The following CD163L1 variants were observed in gnomAD, a reference collection of about 807,000 sequenced individuals.
CD163L1 encodes the protein CD163 molecule like 1, also known as scavenger receptor cysteine-rich type 1 protein M160.
Under a neutral mutation model 165.4 loss-of-function variants are expected in CD163L1, and 124 were observed. The ratio of observed to expected loss-of-function variants is 0.75; its 90% CI spans 0.65 to 0.87. The LOEUF is 0.87. Ranked by LOEUF, CD163L1 falls within the 40% of genes least tolerant of loss-of-function variation. The probability of loss-of-function intolerance (pLI) is 0.00; values close to 1 mark genes in which losing one functional copy is unlikely to be tolerated. For missense variants in CD163L1, 1,525 were observed against 1,799.9 expected, an observed-to-expected ratio of 0.85 and a Z score of 2.76; for synonymous variants, 585 against 662.2, an observed-to-expected ratio of 0.88 and a Z score of 1.79.
At chr12:7,433,717 C>A in intron 2 of CD163L1, 23 bp from the exon 3 acceptor site, 1 of 1,551,338 alleles carries the variant, frequency 6.4e-7, no homozygotes. Flanking sequence ...CAGAAACATA[C>A]ATTAGAGATG....
the CD163L1 span, among the ~76,000 whole-genome samples, chr12:7,326,597 A>T: frequency 6.6e-6 from 1 of 151,856 alleles, no homozygotes; most frequent in East Asian, 1.9e-4. Context: ...TTCTCTAGGA[A>T]CTCCATTTGT....
the CD163L1 span, chr12:7,320,917 G>A: frequency 1.1e-6 from 1 of 928,156 alleles, no homozygotes; most frequent in South Asian, 1.4e-5. Flanking sequence ...TACCACCACT[G>A]ACATTTTGAA....
chr12:7,363,395 A>C (rs1946946820), intron 18 of CD163L1, among the ~76,000 whole-genome samples: 1 of 151,746 alleles, frequency 6.6e-6, no homozygotes, highest in South Asian at 2.1e-4. Flanking sequence ...AACAAACCAA[A>C]CCCCAAATTA....
rs1225392989 is a variant in CD163L1 at position 7,400,628 on chromosome 12, C to T, written c.1409-2044G>A. ...TATCTCCTGGGCTCAAGTGATATTCCTGCCTCAGCCTCCTGAGTTGCTGGG... is the reference window on the plus strand; with the variant it reads ...TATCTCCTGGGCTCAAGTGATATTCTTGCCTCAGCCTCCTGAGTTGCTGGG... On this transcript the variant is annotated intron_variant, in intron 6 of 19. Coordinates refer to ENST00000313599, the MANE Select transcript of CD163L1 (RefSeq NM_174941.6). The surrounding 1 kb of genome is among the most constrained non-coding windows in gnomAD (Gnocchi z 4.1). 6.6e-6 allele frequency among the ~76,000 whole-genome samples: 1 copy of T among 152,160 alleles called. No individual in the cohort carries two copies. Among genetic ancestry groups the T allele is most frequent in the Non-Finnish European group, 1.5e-5 (1 of 68,016 alleles).
At chr12:7,358,802 C>G (rs1946830388) in intron 18 of CD163L1, among the ~76,000 whole-genome samples, 1 of 151,968 alleles carries the variant, frequency 6.6e-6, no homozygotes, top group South Asian at 2.1e-4. Context: ...CACACCAGAA[C>G]TTTAAAACAA....
intron 2 of CD163L1, among the ~76,000 whole-genome samples, chr12:7,437,568 G>C (rs1429798815): frequency 6.6e-6 from 1 of 151,310 alleles, no homozygotes; most frequent in Non-Finnish European, 1.5e-5. Context: ...TCCCACCTAC[G>C]AGTGAGAACA....
chr12:7,345,375 GA>G (rs1456932753), downstream of CD163L1, among the ~76,000 whole-genome samples: 2 of 152,158 alleles, frequency 1.3e-5, no homozygotes, highest in Non-Finnish European at 2.9e-5. Context: ...GGCATGAACA[GA>G]AAGCAGCCAA....
At chr12:7,394,237 C>T (rs1468772774) in intron 8 of CD163L1, among the ~76,000 whole-genome samples, 3 of 151,994 alleles carry the variant, frequency 2.0e-5, no homozygotes, top group Non-Finnish European at 4.4e-5. Context: ...GTACCGGTAC[C>T]AAAACAGATA....
Position 7,374,598 on chromosome 12 carries a change from C to T in CD163L1, c.3253G>A (p.Ala1085Thr), listed in dbSNP as rs1242468551. ...QKLGCGVAFN[A>T]TVSAHFGEGS... ...TCCCCAAAGTGAGCAGAGACCGTGGCATTGAAGGCCACTCCACAGCCCAGC... is the reference window on the plus strand; with the variant it reads ...TCCCCAAAGTGAGCAGAGACCGTGGTATTGAAGGCCACTCCACAGCCCAGC... The change falls in exon 13 of 20, where the codon GCC (alanine) becomes ACC (threonine). Residue 1085 changes from alanine (A) to threonine (T), a missense_variant. Coordinates refer to ENST00000313599, the MANE Select transcript of CD163L1 (RefSeq NM_174941.6). This position sits in a 1 kb window ranked among gnomAD's most constrained non-coding sequence, Gnocchi z 5.4. The T allele has an allele frequency of 2.5e-6, 4 of 1,614,074 alleles. No individual in the cohort carries two copies. Among genetic ancestry groups the T allele is most frequent in the Admixed American group, 1.7e-5 (1 of 60,010 alleles).
At chr12:7,421,316 G>T (rs1288027453) in intron 4 of CD163L1, among the ~76,000 whole-genome samples, 3 of 94,650 alleles carry the variant, frequency 3.2e-5, no homozygotes, top group East Asian at 3.3e-4. Flanking sequence ...TATACATTTG[G>T]AAGATATATA....
At chr12:7,378,299 C>G (rs1201512823) in intron 9 of CD163L1, among the ~76,000 whole-genome samples, 1 of 152,062 alleles carries the variant, frequency 6.6e-6, no homozygotes, top group Non-Finnish European at 1.5e-5. Context: ...CAGCATGACT[C>G]CCGGCATCCA....
At chr12:7,337,754 T>A in the CD163L1 span, among the ~76,000 whole-genome samples, 1 of 152,182 alleles carries the variant, frequency 6.6e-6, no homozygotes, top group Non-Finnish European at 1.5e-5. Context: ...TAGAAGACAG[T>A]GTGGCGATTC....
chr12:7,424,469 G>GAAAGAA (rs1948503771), intron 4 of CD163L1, among the ~76,000 whole-genome samples: 3 of 152,112 alleles, frequency 2.0e-5, no homozygotes, highest in African/African-American at 7.2e-5. Context: ...TCAACATAGT[G>GAAAGAA]TTGGAAGTTC....
Position 7,396,461 on chromosome 12 carries a change from T to C in CD163L1, c.1730-46A>G. The stretch of plus-strand genomic sequence containing the variant: ...CAAGTAGTTAATGGGTGTGATGGTT[T>C]ATTTTATATGTCAACTTGGCTGGAC... On this transcript the variant is annotated intron_variant, in intron 7 of 19. Transcript: ENST00000313599. 3 of 1,503,198 alleles carry C rather than the reference T, an allele frequency of 2.0e-6. No homozygotes were observed. The South Asian group carries it at 3.9e-5, about 19-fold the overall frequency. The allele number at this position is 1,503,198 out of a possible 1,614,324, so 93.1% of individuals were successfully genotyped here.
chr12:7,321,640 A>G, the CD163L1 span, among the ~76,000 whole-genome samples: 1 of 152,222 alleles, frequency 6.6e-6, no homozygotes, highest in Admixed American at 6.5e-5. Flanking sequence ...TTTGTATTCT[A>G]CCCACACCCT....
intron 19 of CD163L1, 69 bp from the exon 20 acceptor site, chr12:7,355,199 TAAAGTTAAG>T: frequency 6.6e-6 from 1 of 152,080 alleles, no homozygotes; most frequent in East Asian, 1.9e-4. Flanking sequence ...TACATGAGGT[TAAAGTTAAG>T]ACACGTGTGT....
rs2136411249 is a variant in CD163L1 at position 7,369,404 on chromosome 12, C to T, written c.3992G>A (p.Gly1331Glu). 1.2e-6 allele frequency: 2 copies of T among 1,614,102 alleles called. No homozygotes were observed. The highest frequency in any genetic ancestry group is 1.7e-6 in the Non-Finnish European group (2 of 1,179,984). Residue 1331 changes from glycine to glutamate, a missense_variant, in exon 15 of 20, where the codon GGA becomes GAA. Physicochemically the swap from Gly to Glu is moderately conservative, Grantham distance 98. Transcript: ENST00000313599. This position sits in a 1 kb window ranked among gnomAD's most constrained non-coding sequence, Gnocchi z 4.9. ...FLWDCHAKPW[G>E]QSDCGHKEDA... is the part of the protein sequence containing the mutation. ...TTCCTTGTGTCCACAGTCACTCTGT[C>T]CCCAGGGTTTGGCGTGACAGTCCCA...
intron 4 of CD163L1, among the ~76,000 whole-genome samples, chr12:7,411,633 C>T (rs1301646314): frequency 6.6e-6 from 1 of 152,218 alleles, no homozygotes; most frequent in East Asian, 1.9e-4. Context: ...TTCTGAGCCC[C>T]TCACCAGAAG....
chr12:7,391,909 C>G (rs1020542492), intron 8 of CD163L1, among the ~76,000 whole-genome samples: 7 of 152,140 alleles, frequency 4.6e-5, no homozygotes, highest in Non-Finnish European at 8.8e-5. Context: ...TACAGGAGCA[C>G]TCAGATTCAA....
Sources: gnomAD v4.1 joint callset for allele counts (sites outside exome capture counted in the v4.1 genomes callset) on GRCh38, gnomAD v4.1.1 for gene constraint, Gnocchi (gnomAD v3.1) non-coding constraint, MANE v1.5 for transcripts, NCBI Gene and HGNC (gene_info 2026-07-23, HGNC 2026-07-21) for gene names.